MSRB3: variants seen among roughly 807,000 people sequenced by gnomAD.
MSRB3 encodes the protein methionine sulfoxide reductase B3, also known as methionine-R-sulfoxide reductase B3.
In MSRB3, 13 loss-of-function variants were observed where a neutral mutation model predicts 21.0. The observed-to-expected ratio is 0.62, with a 90% CI of 0.40 to 0.98. MSRB3 has a LOEUF of 0.98. Among genes scored for constraint, MSRB3 ranks in the 50% least tolerant of loss-of-function variants. The pLI, the probability that MSRB3 is intolerant of heterozygous loss-of-function variation, is 0.00. For missense variants in MSRB3, 199 were observed against 230.3 expected, an observed-to-expected ratio of 0.86 and a Z score of 0.88; for synonymous variants, 87 against 88.6, an observed-to-expected ratio of 0.98 and a Z score of 0.10.
At chr12:65,349,147 G>C (rs1403994862) in intron 4 of MSRB3, among the ~76,000 whole-genome samples, 2 of 152,090 alleles carry the variant, frequency 1.3e-5, no homozygotes, top group East Asian at 3.9e-4. Context: ...CTATGAGTGA[G>C]AATATGCAGT....
chr12:65,437,646 A>G (rs149827135), intron 5 of MSRB3, among the ~76,000 whole-genome samples: 2 of 152,020 alleles, frequency 1.3e-5, no homozygotes, highest in Non-Finnish European at 2.9e-5. Flanking sequence ...CAAGAAAAAA[A>G]AAAGCCAGCT....
At chr12:65,380,760 C>A (rs948721654) in intron 5 of MSRB3, among the ~76,000 whole-genome samples, 3 of 152,048 alleles carry the variant, frequency 2.0e-5, no homozygotes, top group Admixed American at 1.3e-4. Context: ...AATGAATAGA[C>A]CAAAGCACAG....
chr12:65,373,606 C>T (rs1207190432), intron 5 of MSRB3, among the ~76,000 whole-genome samples: 3 of 151,796 alleles, frequency 2.0e-5, no homozygotes, highest in African/African-American at 4.8e-5. Context: ...AATAGCTATA[C>T]TAAGGAAATG....
At chr12:65,438,597 G>A (rs569736071) in intron 5 of MSRB3, among the ~76,000 whole-genome samples, 8 of 151,876 alleles carry the variant, frequency 5.3e-5, no homozygotes, top group African/African-American at 1.9e-4. Flanking sequence ...CTGCAATCCT[G>A]GAAAATAGAA....
chr12:65,410,452 G>A (rs1352212095), intron 5 of MSRB3, among the ~76,000 whole-genome samples: 5 of 152,024 alleles, frequency 3.3e-5, no homozygotes, highest in Non-Finnish European at 7.4e-5. Context: ...GGCCAGCCTG[G>A]ACAACAGAGT....
At chr12:65,462,737 A>G (rs891064812) in intron 6 of MSRB3, among the ~76,000 whole-genome samples, 13 of 152,232 alleles carry the variant, frequency 8.5e-5, no homozygotes, top group African/African-American at 3.1e-4. Flanking sequence ...CCAGTTAAAC[A>G]GTATCTTTTC....
rs549327882 is a variant in MSRB3 at position 65,319,435 on chromosome 12, A to G, written c.77-7391A>G. 5.9e-5 allele frequency among the ~76,000 whole-genome samples: 9 copies of G among 152,252 alleles called. No individual in the cohort carries two copies. The East Asian group carries it at 9.6e-4, about 16-fold the overall frequency. On this transcript the variant is annotated intron_variant, in intron 2 of 6. Transcript: ENST00000308259. The stretch of plus-strand genomic sequence containing the variant: ...GCTGTTGGTATTATTTGAGTTTTCT[A>G]TATTTCATTTATAAGCAGATATGAT...
chr12:65,443,669 C>T (rs1882486783), intron 5 of MSRB3, among the ~76,000 whole-genome samples: 1 of 151,974 alleles, frequency 6.6e-6, no homozygotes, highest in Admixed American at 6.6e-5. Flanking sequence ...CAGTCATCAT[C>T]ATTTTTTTTT....
At chr12:65,325,607 CTA>C (rs1379526892) in intron 2 of MSRB3, among the ~76,000 whole-genome samples, 2 of 152,104 alleles carry the variant, frequency 1.3e-5, no homozygotes, top group African/African-American at 4.8e-5. Flanking sequence ...CGATCTCATA[CTA>C]TGACATTAGG....
chr12:65,375,666 TGGCTTCA>T (rs1565862013), intron 5 of MSRB3, among the ~76,000 whole-genome samples: 2 of 152,080 alleles, frequency 1.3e-5, no homozygotes, highest in South Asian at 4.1e-4. Flanking sequence ...CTCAAACTCC[TGGCTTCA>T]AGCAATCCTC....
At chr12:65,365,250 A>G in intron 4 of MSRB3, among the ~76,000 whole-genome samples, 1 of 152,166 alleles carries the variant, frequency 6.6e-6, no homozygotes, top group East Asian at 1.9e-4. Flanking sequence ...ATGAGGATGC[A>G]TGAGACCCAG....
intron 4 of MSRB3, among the ~76,000 whole-genome samples, chr12:65,349,393 G>A (rs1307145582): frequency 2.0e-5 from 3 of 151,200 alleles, no homozygotes; most frequent in South Asian, 2.1e-4. Context: ...CTTTATAGCA[G>A]CAAGATTTAT....
At chr12:65,349,570 G>C (rs2136490622) in intron 4 of MSRB3, among the ~76,000 whole-genome samples, 1 of 147,530 alleles carries the variant, frequency 6.8e-6, no homozygotes, top group South Asian at 2.1e-4. Context: ...TCCGGCACCT[G>C]TTGTTTCCTG....
chr12:65,306,022 T>C (rs894001804), intron 1 of MSRB3, among the ~76,000 whole-genome samples: 4 of 152,174 alleles, frequency 2.6e-5, no homozygotes, highest in African/African-American at 9.7e-5. Flanking sequence ...ATTTAATCAT[T>C]ATCTTATAAG....
chr12:65,287,102 C>G (rs1044997924), intron 1 of MSRB3, among the ~76,000 whole-genome samples: 2 of 147,214 alleles, frequency 1.4e-5, no homozygotes, highest in African/African-American at 2.5e-5. Context: ...TTAGATAGCC[C>G]TAAATTTTAT....
chr12:65,302,882 C>T (rs946088579), intron 1 of MSRB3, among the ~76,000 whole-genome samples: 2 of 152,086 alleles, frequency 1.3e-5, no homozygotes, highest in African/African-American at 2.4e-5. Flanking sequence ...GAAAAAATAG[C>T]GACAATGAAA....
chr12:65,376,738 G>A (rs1229469365), intron 5 of MSRB3, among the ~76,000 whole-genome samples: 1 of 152,102 alleles, frequency 6.6e-6, no homozygotes, highest in East Asian at 1.9e-4. Context: ...TAGATGACGG[G>A]TTGATAGGTG....
chr12:65,424,847 G>A (rs2136651319), intron 5 of MSRB3, among the ~76,000 whole-genome samples: 1 of 149,830 alleles, frequency 6.7e-6, no homozygotes, highest in Admixed American at 6.7e-5. Flanking sequence ...TGTAGTTCAA[G>A]TCCGGTGTTT....
rs1304580759 is a variant in MSRB3 at position 65,278,787 on chromosome 12, C to T, written c.-130C>T. ...CCTTTCCATGAGCCCGCGGCGGACCCTCCCGCGCCCCCTCTCGCTCTGCCT... is the reference window on the plus strand; with the variant it reads ...CCTTTCCATGAGCCCGCGGCGGACCTTCCCGCGCCCCCTCTCGCTCTGCCT... On this transcript the variant is annotated 5_prime_UTR_variant, in exon 1 of 7. Transcript: ENST00000308259. 8 of 1,574,272 alleles carry T rather than the reference C, an allele frequency of 5.1e-6. No individual in the cohort carries two copies. The highest frequency in any genetic ancestry group is 1.8e-5 in the Admixed American group (1 of 54,564).
Sources: gnomAD v4.1 joint callset for allele counts (sites outside exome capture counted in the v4.1 genomes callset) on GRCh38, gnomAD v4.1.1 for gene constraint, MANE v1.5 for transcripts, NCBI Gene and HGNC (gene_info 2026-07-23, HGNC 2026-07-21) for gene names.